PLCB1: variants seen among roughly 807,000 people sequenced by gnomAD.
PLCB1 encodes the protein 1-phosphatidylinositol 4,5-bisphosphate phosphodiesterase beta-1.
In PLCB1, 46 loss-of-function variants were observed where a neutral mutation model predicts 161.8. The observed-to-expected ratio is 0.28, with a 90% confidence interval of 0.22 to 0.36. PLCB1 has a LOEUF of 0.36. Ranked by LOEUF, PLCB1 falls within the 10% of genes least tolerant of loss-of-function variation. PLCB1 has a pLI of 1.00. For synonymous variants in PLCB1, 517 were observed against 503.7 expected (o/e 1.03, Z -0.35); for missense variants, 1,016 against 1,472.5 (o/e 0.69, Z 5.07).
chr20:8,483,059 GGA>G (rs1982575497), intron 3 of PLCB1, among the ~76,000 whole-genome samples: 2 of 152,076 alleles, frequency 1.3e-5, no homozygotes, highest in Admixed American at 1.3e-4. Flanking sequence ...TAATCAAAAA[GGA>G]GAAGGCCATA....
chr20:8,245,673 T>C (rs1250766604), intron 2 of PLCB1, among the ~76,000 whole-genome samples: 2 of 151,864 alleles, frequency 1.3e-5, no homozygotes, highest in Non-Finnish European at 2.9e-5. Context: ...ACTTGGCCAC[T>C]CACAATACAG....
intron 3 of PLCB1, among the ~76,000 whole-genome samples, chr20:8,618,965 A>T (rs1373969235): frequency 6.6e-6 from 1 of 152,210 alleles, no homozygotes; most frequent in Non-Finnish European, 1.5e-5. Flanking sequence ...ATAAATCTGA[A>T]AATCAAATAG....
At chr20:8,324,796 G>GA (rs539922372) in intron 2 of PLCB1, among the ~76,000 whole-genome samples, 12 of 151,960 alleles carry the variant, frequency 7.9e-5, no homozygotes, top group Admixed American at 5.9e-4. Flanking sequence ...TATTTCCAAA[G>GA]AAAAAAAATT....
At chr20:8,727,087 G>C (rs1178840508) in intron 16 of PLCB1, among the ~76,000 whole-genome samples, 1 of 151,856 alleles carries the variant, frequency 6.6e-6, no homozygotes, top group Non-Finnish European at 1.5e-5. Flanking sequence ...AAGTAGCTCT[G>C]ACCCAAGTAG....
At chr20:8,777,298 C>T (rs940367775) in intron 27 of PLCB1, among the ~76,000 whole-genome samples, 4 of 152,138 alleles carry the variant, frequency 2.6e-5, no homozygotes, top group East Asian at 1.9e-4. Flanking sequence ...CAGTACGTTA[C>T]GGGAAGTGGT....
At chr20:8,702,760 A>C (rs1008424899) in intron 11 of PLCB1, among the ~76,000 whole-genome samples, 2 of 152,194 alleles carry the variant, frequency 1.3e-5, no homozygotes, top group African/African-American at 4.8e-5. Context: ...ATGTCCACCA[A>C]TTACAGCAAG....
intron 9 of PLCB1, among the ~76,000 whole-genome samples, chr20:8,674,466 G>A (rs909324033): frequency 2.0e-5 from 3 of 152,150 alleles, no homozygotes; most frequent in East Asian, 3.9e-4. Context: ...AGCTGGTAGC[G>A]CTGCATTACC....
intron 9 of PLCB1, among the ~76,000 whole-genome samples, chr20:8,684,180 A>G (rs148709781): frequency 0.01 from 1,547 of 151,476 alleles, 19 homozygotes; most frequent in African/African-American, 0.031. Context: ...CACCGCGCCC[A>G]GCCCCAAAAA....
intron 3 of PLCB1, among the ~76,000 whole-genome samples, chr20:8,375,292 G>A (rs1183320794): frequency 6.6e-6 from 1 of 152,100 alleles, no homozygotes; most frequent in East Asian, 1.9e-4. Flanking sequence ...TATATATCTT[G>A]TCTGTGCTAT....
chr20:8,751,837 A>G (rs748369073), intron 23 of PLCB1: 4 of 152,174 alleles, frequency 2.6e-5, no homozygotes, highest in Admixed American at 2.0e-4. Context: ...TTCTGTTTCT[A>G]TCACAATTTC....
intron 3 of PLCB1, among the ~76,000 whole-genome samples, chr20:8,559,026 A>C (rs1032101823): frequency 4.6e-5 from 7 of 152,038 alleles, no homozygotes; most frequent in African/African-American, 7.2e-5. Flanking sequence ...CTAAAAGTAA[A>C]TACATAGTCC....
chr20:8,501,131 C>A (rs1167210440), intron 3 of PLCB1, among the ~76,000 whole-genome samples: 1 of 152,218 alleles, frequency 6.6e-6, no homozygotes, highest in African/African-American at 2.4e-5. Flanking sequence ...TGTGGATCCA[C>A]AGACGAAACA....
At chr20:8,401,343 CA>C (rs1978541376) in intron 3 of PLCB1, among the ~76,000 whole-genome samples, 1 of 152,160 alleles carries the variant, frequency 6.6e-6, no homozygotes, top group Admixed American at 6.5e-5. Context: ...GTTTTGTAGT[CA>C]AATTTATTAG....
chr20:8,149,654 G>C (rs531260262), intron 1 of PLCB1, among the ~76,000 whole-genome samples: 1 of 151,988 alleles, frequency 6.6e-6, no homozygotes. Flanking sequence ...AAATTGCTAA[G>C]AGAAAAGAAC....
chr20:8,475,037 A>G (rs1982215625), intron 3 of PLCB1, among the ~76,000 whole-genome samples: 1 of 151,538 alleles, frequency 6.6e-6, no homozygotes, highest in Non-Finnish European at 1.5e-5. Flanking sequence ...ACACACAGAC[A>G]CACACACACA....
At chr20:8,454,175 T>A (rs1033980490) in intron 3 of PLCB1, among the ~76,000 whole-genome samples, 1 of 152,192 alleles carries the variant, frequency 6.6e-6, no homozygotes, top group Non-Finnish European at 1.5e-5. Flanking sequence ...GGTGTTTTGT[T>A]ATGGCAGCCC....
At chr20:8,564,642 A>G (rs1986262023) in intron 3 of PLCB1, among the ~76,000 whole-genome samples, 1 of 152,166 alleles carries the variant, frequency 6.6e-6, no homozygotes, top group Non-Finnish European at 1.5e-5. Context: ...TTTACAAGAA[A>G]AAAACAAACA....
chr20:8,834,104 T>C (rs1986157910), intron 31 of PLCB1, among the ~76,000 whole-genome samples: 1 of 152,194 alleles, frequency 6.6e-6, no homozygotes, highest in Non-Finnish European at 1.5e-5. Flanking sequence ...GCATGTACTA[T>C]GTGCCAGGCA....
At chr20:8,415,233 T>TA (rs1600385517) in intron 3 of PLCB1, among the ~76,000 whole-genome samples, 2 of 152,326 alleles carry the variant, frequency 1.3e-5, no homozygotes. Flanking sequence ...ACAGAGTCCT[T>TA]ACATGGCAGG....
Sources: gnomAD v4.1 joint callset for allele counts (sites outside exome capture counted in the v4.1 genomes callset) on GRCh38, gnomAD v4.1.1 for gene constraint, MANE v1.5 for transcripts, NCBI Gene and HGNC (gene_info 2026-07-23, HGNC 2026-07-21) for gene names.